TRIM58: variants seen among roughly 807,000 people sequenced by gnomAD.
TRIM58 encodes tripartite motif containing 58.
TRIM58 carries 38 observed loss-of-function variants against 34.1 expected under a neutral mutation model. The ratio of observed to expected loss-of-function variants is 1.12; its 90% CI spans 0.86 to 1.46. The LOEUF (loss-of-function observed/expected upper bound fraction) is 1.46. TRIM58 is among the 40% of genes most tolerant of loss of function. TRIM58 has a pLI of 0.00. For synonymous variants in TRIM58, 273 were observed against 275.7 expected (o/e 0.99, Z 0.10); for missense variants, 677 against 642.0 (o/e 1.05, Z -0.59).
intron 1 of TRIM58, among the ~76,000 whole-genome samples, chr1:247,858,956 G>A (rs955311713): frequency 6.6e-6 from 1 of 151,794 alleles, no homozygotes; most frequent in East Asian, 1.9e-4. Context: ...TAGTAGAGAC[G>A]GGGTTTCACT....
At position 247,876,360 on chromosome 1, in the gene TRIM58, T is replaced by C; in HGVS notation, c.1332T>C (p.Leu444=). 6.2e-7 allele frequency: 1 copy of C among 1,614,228 alleles called. No individual in the cohort carries two copies. The highest frequency in any genetic ancestry group is 8.5e-7 in the Non-Finnish European group (1 of 1,180,046). Residue 444 remains leucine, a synonymous_variant, in exon 6 of 6, where the codon CTT becomes CTC. Transcript: ENST00000366481. Reference sequence around the variant, plus strand: ...TCAACCAACTCTTCTCTGGTCTTCTTCGGCCTTACTTTTTCATCTGTGATG... The same window carrying C: ...TCAACCAACTCTTCTCTGGTCTTCTCCGGCCTTACTTTTTCATCTGTGATG... The part of the protein sequence containing the change: ...YTFNQLFSGL[L]RPYFFICDAT...
At chr1:247,875,023 T>C (rs4925750) in intron 5 of TRIM58, among the ~76,000 whole-genome samples, 49,664 of 152,044 alleles carry the variant, frequency 0.33, 8,305 homozygotes, top group Admixed American at 0.37. Context: ...ACCTTTCCAT[T>C]TTCAAAGCCA....
rs755141529 is a variant in TRIM58 at position 247,857,506 on chromosome 1, TGGGCGCGGGGCCCG to T, written c.269_282del (p.Gly90AlafsTer93). Reference sequence around the variant, plus strand: ...GTGGAGAGCGTGCGGCGGCTGGGGTTGGGCGCGGGGCCCGGGGCGCGGCGATGCGCGCGGCACGG... The same window carrying T: ...GTGGAGAGCGTGCGGCGGCTGGGGTTGGGCGCGGCGATGCGCGCGGCACGG... On this transcript the variant is annotated frameshift_variant, in exon 1 of 6. Coordinates refer to ENST00000366481, the MANE Select transcript of TRIM58 (RefSeq NM_015431.4). LOFTEE classifies it high-confidence loss of function. The T allele has an allele frequency of 4.6e-6, 6 of 1,294,580 alleles. No individual in the cohort carries two copies. Among genetic ancestry groups the T allele is most frequent in the Admixed American group, 4.2e-5 (1 of 23,898 alleles). The allele number at this position is 1,294,580 out of a possible 1,614,324, so 80.2% of individuals were successfully genotyped here.
intron 5 of TRIM58, among the ~76,000 whole-genome samples, chr1:247,869,047 A>G (rs1441836056): frequency 6.6e-6 from 1 of 152,084 alleles, no homozygotes; most frequent in Non-Finnish European, 1.5e-5. Context: ...TTACAGGCAC[A>G]TGCCACCATG....
intron 5 of TRIM58, among the ~76,000 whole-genome samples, chr1:247,871,825 C>T (rs1659132147): frequency 6.6e-6 from 1 of 152,192 alleles, no homozygotes; most frequent in Non-Finnish European, 1.5e-5. Context: ...CACCAAAATA[C>T]ACAGGCTGTA....
chr1:247,857,788 G>A, intron 1 of TRIM58, 122 bp downstream of exon 1: 1 of 1,173,460 alleles, frequency 8.5e-7, no homozygotes, highest in Non-Finnish European at 1.1e-6. Context: ...TCCCCCCACC[G>A]CGCGCCGTCC....
intron 5 of TRIM58, among the ~76,000 whole-genome samples, chr1:247,868,540 T>C (rs1254783728): frequency 1.3e-5 from 2 of 152,198 alleles, no homozygotes; most frequent in Non-Finnish European, 2.9e-5. Context: ...TTTGACACTA[T>C]CTATCTGGAG....
At chr1:247,867,610 C>G (rs562876779) in intron 3 of TRIM58, among the ~76,000 whole-genome samples, 1 of 151,950 alleles carries the variant, frequency 6.6e-6, no homozygotes, top group Admixed American at 6.6e-5. Flanking sequence ...GAGGCTGAGG[C>G]AGGGAGGTGG....
Position 247,864,935 on chromosome 1 carries a change from G to C in TRIM58, c.747G>C (p.Glu249Asp). The C allele has an allele frequency of 6.4e-7, 1 of 1,558,848 alleles. No homozygotes were observed. The highest frequency in any genetic ancestry group is 1.9e-5 in the Admixed American group (1 of 51,310). ...RCQRPALGLL[E>D]GVRGVLSRSK... ...AGCGCCCGGCCCTGGGTCTGCTGGA[G>C]GTGAGGCCGGGTGCCAGAAAAGCAG... The change falls in exon 3 of 6, where the codon GAG becomes GAC. Residue 249 changes from glutamate (E) to aspartate (D), a missense_variant and splice_region_variant. Transcript: ENST00000366481.
intron 3 of TRIM58, 104 bp downstream of exon 3, chr1:247,865,039 A>T: frequency 9.2e-7 from 1 of 1,089,420 alleles, no homozygotes; most frequent in Non-Finnish European, 1.3e-6. Context: ...GTTCTTTAGG[A>T]AAAGGGCACC....
chr1:247,879,725 A>G lies in TRIM58; in HGVS notation c.*3236A>G, dbSNP rs934565602. ...AGCAGGCACTTCCCATCACAGGGCC[A>G]TTTCCCCGCCTGTGGCTTCTGCTTG... On this transcript the variant is annotated 3_prime_UTR_variant, in exon 6 of 6. Transcript: ENST00000366481. Among the ~76,000 whole-genome samples, 5 of 150,274 alleles carry G rather than the reference A, an allele frequency of 3.3e-5. No individual in the cohort carries two copies. The South Asian group carries it at 1.1e-3, about 32-fold the overall frequency.
intron 5 of TRIM58, among the ~76,000 whole-genome samples, chr1:247,875,479 G>A (rs867824918): frequency 1.3e-5 from 2 of 151,924 alleles, no homozygotes; most frequent in South Asian, 2.1e-4. Context: ...AGTGTACCAC[G>A]GCTATGCCCA....
chr1:247,872,567 T>C (rs1015371763), intron 5 of TRIM58, among the ~76,000 whole-genome samples: 10 of 152,322 alleles, frequency 6.6e-5, no homozygotes, highest in Middle Eastern at 6.8e-3. Context: ...GATGTTGCGA[T>C]GAGTGCTAAA....
chr1:247,872,420 A>G (rs2103333457), intron 5 of TRIM58, among the ~76,000 whole-genome samples: 1 of 152,296 alleles, frequency 6.6e-6, no homozygotes, highest in South Asian at 2.1e-4. Context: ...ATTATATATG[A>G]TGTGCTATAA....
intron 5 of TRIM58, among the ~76,000 whole-genome samples, chr1:247,870,335 C>T (rs910708951): frequency 1.3e-5 from 2 of 150,950 alleles, no homozygotes; most frequent in African/African-American, 4.9e-5. Flanking sequence ...AGAGCCTGCA[C>T]CACCATGCCC....
chr1:247,859,905 A>G (rs950250312), intron 1 of TRIM58, among the ~76,000 whole-genome samples: 1 of 152,260 alleles, frequency 6.6e-6, no homozygotes, highest in South Asian at 2.1e-4. Flanking sequence ...TATCATTCTC[A>G]TTTACATCAG....
intron 5 of TRIM58, among the ~76,000 whole-genome samples, chr1:247,868,513 C>T (rs990517667): frequency 6.6e-6 from 1 of 152,182 alleles, no homozygotes; most frequent in Admixed American, 6.5e-5. Flanking sequence ...GCCAGATGTC[C>T]TTCCATGCAA....
At chr1:247,869,968 T>C (rs1235012737) in intron 5 of TRIM58, among the ~76,000 whole-genome samples, 1 of 152,164 alleles carries the variant, frequency 6.6e-6, no homozygotes, top group Non-Finnish European at 1.5e-5. Context: ...TAAATGATTT[T>C]TTGGAGGATT....
chr1:247,876,265 A>G lies in TRIM58; in HGVS notation c.1237A>G (p.Ile413Val). 31 of 1,614,082 alleles carry G rather than the reference A, an allele frequency of 1.9e-5. No individual in the cohort carries two copies. The highest frequency in any genetic ancestry group is 2.6e-5 in the Non-Finnish European group (31 of 1,180,006). Residue 413 changes from isoleucine to valine, a missense_variant, in exon 6 of 6, where the codon ATT becomes GTT. By Grantham distance (29) the Ile-to-Val change is conservative. Transcript: ENST00000366481. Reference protein sequence around the residue: ...LQLESPRCIGIFLDYEAGEIS... With the variant: ...LQLESPRCIGVFLDYEAGEIS... ...ACTGGAAAGTCCTCGCTGCATTGGG[A>G]TTTTCTTGGACTATGAAGCCGGTGA...
Sources: allele counts gnomAD v4.1 joint callset (sites outside exome capture counted in the v4.1 genomes callset), GRCh38; gene constraint gnomAD v4.1.1; transcripts MANE v1.5; gene names NCBI Gene and HGNC (gene_info 2026-07-23, HGNC 2026-07-21).